NECAB1: variants seen among roughly 807,000 people sequenced by gnomAD.
The protein encoded by NECAB1 is N-terminal EF-hand calcium-binding protein 1.
Under a neutral mutation model 57.5 loss-of-function variants are expected in NECAB1, and 29 were observed. The observed-to-expected ratio is 0.50, with a 90% confidence interval of 0.38 to 0.69. The LOEUF (loss-of-function observed/expected upper bound fraction) is 0.69, where lower values mean the gene tolerates loss of function less well. Ranked by LOEUF, NECAB1 falls within the 30% of genes least tolerant of loss-of-function variation. The pLI is 0.00. For missense variants in NECAB1, 372 were observed against 413.8 expected (o/e 0.90, Z 0.88); for synonymous variants, 142 against 147.7 (o/e 0.96, Z 0.28).
intron 3 of NECAB1, among the ~76,000 whole-genome samples, chr8:90,827,394 C>T (rs56145575): frequency 6.6e-6 from 1 of 151,960 alleles, no homozygotes; most frequent in Non-Finnish European, 1.5e-5. Flanking sequence ...GCTGCTGAGG[C>T]CCCTGTGGCT....
At chr8:90,915,843 G>A (rs1051236321) in intron 5 of NECAB1, among the ~76,000 whole-genome samples, 7 of 152,188 alleles carry the variant, frequency 4.6e-5, no homozygotes. Flanking sequence ...AAAAGCCAAA[G>A]AACTTGGAGT....
intron 3 of NECAB1, among the ~76,000 whole-genome samples, chr8:90,834,956 A>G (rs947462630): frequency 6.7e-6 from 1 of 148,470 alleles, no homozygotes; most frequent in Admixed American, 6.7e-5. Flanking sequence ...ATACACATCT[A>G]TATGTCTCAT....
At position 90,825,517 on chromosome 8, in the gene NECAB1, C is replaced by T. The variant is rs957324486; in HGVS notation, c.233+692C>T. Among the ~76,000 whole-genome samples the T allele has an allele frequency of 1.4e-4, 21 of 151,876 alleles. No homozygotes were observed. In the South Asian group the frequency reaches 1.5e-3, roughly 10 times the overall value. On this transcript the variant is annotated intron_variant, in intron 3 of 12. Transcript: ENST00000417640. ...ATTTGTGACAGTCACAGTTACAAAA[C>T]GCTTATATGAAAAACCACCATTTCA...
intron 2 of NECAB1, among the ~76,000 whole-genome samples, chr8:90,817,198 T>C (rs1812073460): frequency 6.6e-6 from 1 of 151,808 alleles, no homozygotes; most frequent in African/African-American, 2.4e-5. Context: ...TCTAGGGTTT[T>C]TGTTTTGTGT....
intron 3 of NECAB1, among the ~76,000 whole-genome samples, chr8:90,837,716 T>C (rs1461557385): frequency 6.6e-6 from 1 of 152,238 alleles, no homozygotes; most frequent in African/African-American, 2.4e-5. Flanking sequence ...GTCTAGTGTC[T>C]CTGAGTCTCT....
At chr8:90,901,845 C>T (rs1340837373) in intron 5 of NECAB1, among the ~76,000 whole-genome samples, 5 of 152,062 alleles carry the variant, frequency 3.3e-5, no homozygotes, top group Non-Finnish European at 7.4e-5. Flanking sequence ...CCTTCATTAG[C>T]AAACCCTATC....
At chr8:90,895,251 A>G (rs1000102138) in intron 5 of NECAB1, among the ~76,000 whole-genome samples, 6 of 152,180 alleles carry the variant, frequency 3.9e-5, no homozygotes, top group African/African-American at 1.4e-4. Context: ...CAGAACATAT[A>G]CTCCTACAAC....
chr8:90,808,640 C>T (rs539507595), intron 2 of NECAB1, among the ~76,000 whole-genome samples: 29 of 81,262 alleles, frequency 3.6e-4, no homozygotes, highest in Admixed American at 8.9e-4. Context: ...TTTTTCTTTT[C>T]TTTTTTTTTT....
At chr8:90,804,241 G>A (rs576585257) in intron 2 of NECAB1, among the ~76,000 whole-genome samples, 3 of 152,092 alleles carry the variant, frequency 2.0e-5, no homozygotes, top group Admixed American at 2.0e-4. Context: ...TGGAATTGGA[G>A]ACCATTATGC....
chr8:90,928,870 G>C (rs189092871), intron 8 of NECAB1, among the ~76,000 whole-genome samples: 500 of 152,016 alleles, frequency 3.3e-3, no homozygotes, highest in Non-Finnish European at 6.0e-3. Context: ...CTTAGTTATT[G>C]TTTTTTTATT....
intron 5 of NECAB1, among the ~76,000 whole-genome samples, chr8:90,908,591 T>C (rs1253125657): frequency 6.6e-6 from 1 of 152,134 alleles, no homozygotes; most frequent in Non-Finnish European, 1.5e-5. Context: ...CATATGAATA[T>C]AGTATATTTC....
intron 4 of NECAB1, among the ~76,000 whole-genome samples, chr8:90,876,476 A>G (rs1468334121): frequency 6.6e-6 from 1 of 151,942 alleles, no homozygotes; most frequent in Non-Finnish European, 1.5e-5. Context: ...TCATGAGAAT[A>G]CTTTGTAAGA....
chr8:90,882,582 T>C (rs1808864947), intron 5 of NECAB1, among the ~76,000 whole-genome samples: 1 of 152,172 alleles, frequency 6.6e-6, no homozygotes, highest in Non-Finnish European at 1.5e-5. Context: ...GTCTAGCTTC[T>C]TGTTGCTCTT....
intron 9 of NECAB1, among the ~76,000 whole-genome samples, chr8:90,934,881 A>T (rs1810498065): frequency 6.6e-6 from 1 of 152,178 alleles, no homozygotes; most frequent in African/African-American, 2.4e-5. Flanking sequence ...TTGGAAACAG[A>T]AGAAGAATGG....
Position 90,881,065 on chromosome 8 carries a change from A to G in NECAB1, c.292A>G (p.Asn98Asp). The change falls in exon 5 of 13, where the codon AAT (asparagine) becomes GAT (aspartate). Residue 98 changes from asparagine to aspartate, a missense_variant. Coordinates refer to ENST00000417640, the MANE Select transcript of NECAB1 (RefSeq NM_022351.5). ...YFSQHLGEYENVLAALEDLNL... is the reference protein window; with the variant it reads ...YFSQHLGEYEDVLAALEDLNL... ...TTCTCAGCACTTGGGCGAGTATGAG[A>G]ATGTACTAGCAGCACTTGAAGACCT... The G allele has an allele frequency of 6.2e-7, 1 of 1,606,734 alleles. No individual in the cohort carries two copies. Among genetic ancestry groups the G allele is most frequent in the Non-Finnish European group, 8.5e-7 (1 of 1,176,434 alleles).
intron 3 of NECAB1, among the ~76,000 whole-genome samples, chr8:90,831,158 C>A (rs544755948): frequency 6.6e-6 from 1 of 152,236 alleles, no homozygotes; most frequent in East Asian, 1.9e-4. Context: ...GCTCAAGGTT[C>A]ATATTGCCAC....
intron 8 of NECAB1, 113 bp from the exon 9 acceptor site, chr8:90,934,191 T>C (rs762903236): frequency 2.9e-5 from 20 of 697,202 alleles, no homozygotes; most frequent in Non-Finnish European, 4.7e-5. Flanking sequence ...TTTAAGATAA[T>C]GAAGTTCTTT....
intron 8 of NECAB1, 51 bp from the exon 9 acceptor site, chr8:90,934,253 T>A: frequency 7.7e-7 from 1 of 1,305,460 alleles, no homozygotes; most frequent in Non-Finnish European, 1.1e-6. Flanking sequence ...TGGCATTGTT[T>A]TAAATGATAT....
At chr8:90,921,674 CA>C (rs375996431) in intron 6 of NECAB1, among the ~76,000 whole-genome samples, 2 of 142,956 alleles carry the variant, frequency 1.4e-5, no homozygotes, top group Admixed American at 7.0e-5. Context: ...AACTCCATCT[CA>C]AAAAAAAAAC....
Sources: allele counts gnomAD v4.1 joint callset (sites outside exome capture counted in the v4.1 genomes callset), GRCh38; gene constraint gnomAD v4.1.1; transcripts MANE v1.5; gene names NCBI Gene and HGNC (gene_info 2026-07-23, HGNC 2026-07-21).